DMRT1: variants seen among roughly 807,000 people sequenced by gnomAD.
The protein encoded by DMRT1 is doublesex- and mab-3-related transcription factor 1.
DMRT1 carries 7 observed loss-of-function variants against 32.3 expected under a neutral mutation model. That is an observed-to-expected ratio of 0.22 (90% CI 0.12 to 0.41). The LOEUF is 0.41. Ranked by LOEUF, DMRT1 falls within the 10% of genes least tolerant of loss-of-function variation. The pLI is 1.00. For missense variants in DMRT1, 625 were observed against 500.5 expected (o/e 1.25, Z -2.37); for synonymous variants, 278 against 206.1 (o/e 1.35, Z -2.99).
chr9:857,931 C>T (rs986358454), intron 2 of DMRT1, among the ~76,000 whole-genome samples: 1 of 151,800 alleles, frequency 6.6e-6, no homozygotes, highest in Non-Finnish European at 1.5e-5. Flanking sequence ...CCAGTTTCAT[C>T]CATGTCCCTA....
At chr9:914,959 C>G (rs963941202) in intron 3 of DMRT1, among the ~76,000 whole-genome samples, 7 of 152,190 alleles carry the variant, frequency 4.6e-5, no homozygotes, top group Non-Finnish European at 8.8e-5. Flanking sequence ...CATAGAAAAT[C>G]TTGAGGAAGC....
chr9:894,786 AGTTTGTTTTTTTTTTTGTTTGTTT>A (rs1817288299), intron 3 of DMRT1: 6 of 156,020 alleles, frequency 3.8e-5, no homozygotes, highest in Admixed American at 3.1e-4. Flanking sequence ...TCATTCTCCA[AGTTTGTTTTTTTTTTTGTTTGTTT>A]GTTTGTTTTG....
chr9:858,853 CA>C (rs1205538076), intron 2 of DMRT1, among the ~76,000 whole-genome samples: 479 of 137,578 alleles, frequency 3.5e-3, no homozygotes, highest in African/African-American at 8.8e-3. Context: ...CAGTCTGTCT[CA>C]AAAAAAAAAA....
intron 4 of DMRT1, among the ~76,000 whole-genome samples, chr9:956,219 G>C (rs776355833): frequency 3.9e-5 from 6 of 152,212 alleles, no homozygotes; most frequent in Admixed American, 6.5e-5. Context: ...ACCTACAGTA[G>C]TCAAAATCAT....
intron 4 of DMRT1, among the ~76,000 whole-genome samples, chr9:921,605 C>T (rs1173519451): frequency 1.3e-5 from 2 of 152,100 alleles, no homozygotes; most frequent in African/African-American, 2.4e-5. Flanking sequence ...TATATTCTTA[C>T]CATAGTATAT....
rs144989599 is a variant in DMRT1 at position 847,129 on chromosome 9, C to G, written c.524C>G (p.Thr175Ser). ...TSQPPPASVP[T>S]TAASEGRMVI... ...CAGCCACCGCCGGCCAGTGTCCCCA[C>G]CACTGCAGCTTCAGGTAATCTGGAG... The change falls in exon 2 of 5, where the codon ACC becomes AGC. Residue 175 changes from threonine to serine, a missense_variant. By Grantham distance (58) the Thr-to-Ser change is moderately conservative (BLOSUM62 1). Around this residue, in one of 3 missense-constraint regions of DMRT1, gnomAD observed 416 missense variants for 321.6 expected, o/e 1.29. Transcript: ENST00000382276. 31 of 1,613,020 alleles carry G rather than the reference C, an allele frequency of 1.9e-5. No individual in the cohort carries two copies. The highest frequency in any genetic ancestry group is 2.5e-5 in the Non-Finnish European group (30 of 1,179,942).
chr9:922,191 T>TG (rs1451008231), intron 4 of DMRT1, among the ~76,000 whole-genome samples: 5 of 152,054 alleles, frequency 3.3e-5, no homozygotes, highest in African/African-American at 1.2e-4. Context: ...GAAAAAAGTC[T>TG]GGGGGGCTCT....
At chr9:945,203 G>C (rs904606080) in intron 4 of DMRT1, among the ~76,000 whole-genome samples, 1 of 152,024 alleles carries the variant, frequency 6.6e-6, no homozygotes, top group African/African-American at 2.4e-5. Flanking sequence ...GCCCAGGCTG[G>C]AGTCCAATGG....
chr9:940,834 A>G (rs1482902480), intron 4 of DMRT1, among the ~76,000 whole-genome samples: 2 of 152,224 alleles, frequency 1.3e-5, no homozygotes, highest in African/African-American at 2.4e-5. Flanking sequence ...AGATCTGCTA[A>G]AACTCAGCAA....
At position 968,082 on chromosome 9, in the gene DMRT1, G is replaced by C. The variant is rs777762361; in HGVS notation, c.1065G>C (p.Glu355Asp). 53 of 1,614,046 alleles carry C rather than the reference G, an allele frequency of 3.3e-5. No individual in the cohort carries two copies. Among genetic ancestry groups the C allele is most frequent in the Non-Finnish European group, 4.3e-5 (51 of 1,180,050 alleles). ...NKSTKAVLECEPASEPSSFTV... is the reference protein window; with the variant it reads ...NKSTKAVLECDPASEPSSFTV... ...GCACAAAGGCAGTGCTTGAATGTGAGCCTGCGTCGGAGCCCAGCAGCTTCA... is the reference window on the plus strand; with the variant it reads ...GCACAAAGGCAGTGCTTGAATGTGACCCTGCGTCGGAGCCCAGCAGCTTCA... Residue 355 changes from glutamate (E) to aspartate (D), a missense_variant, in exon 5 of 5, where the codon GAG (glutamate) becomes GAC (aspartate). By Grantham distance (45) the Glu-to-Asp change is conservative. Transcript: ENST00000382276.
rs138736381 is a variant in DMRT1 at position 864,170 on chromosome 9, G to A, written c.538+17027G>A. Among the ~76,000 whole-genome samples the A allele has an allele frequency of 3.3e-5, 5 of 151,264 alleles. No homozygotes were observed. The East Asian group carries it at 9.8e-4, about 30-fold the overall frequency. ...ATGGCCATAGAATGGCTAAACCAAT[G>A]TGTTATTTGTATTCTTTTAACTTCT... is the stretch of plus-strand genomic sequence containing the variant. On this transcript the variant is annotated intron_variant, in intron 2 of 4. Transcript: ENST00000382276.
rs1819895361 is a variant in DMRT1, at chr9:965,201, A to T, written c.968-2784A>T. Among the ~76,000 whole-genome samples the T allele has an allele frequency of 6.6e-6, 1 of 152,162 alleles. No individual in the cohort carries two copies. Among genetic ancestry groups the T allele is most frequent in the Non-Finnish European group, 1.5e-5 (1 of 68,038 alleles). On this transcript the variant is annotated intron_variant, in intron 4 of 4. Coordinates refer to ENST00000382276, the MANE Select transcript of DMRT1 (RefSeq NM_021951.3). The surrounding 1 kb of genome is among the most constrained non-coding windows in gnomAD (Gnocchi z 4.5). ...CACTAAATCTTTTCACGTACCTAGA[A>T]CTCTATGAGGGGCTATACTTAAACA...
chr9:886,394 T>A (rs1317344986), intron 2 of DMRT1, among the ~76,000 whole-genome samples: 10 of 152,218 alleles, frequency 6.6e-5, no homozygotes, highest in African/African-American at 2.4e-4. Flanking sequence ...TAGCTGGGAC[T>A]ACAGGCACGG....
At chr9:892,304 T>G (rs961577657) in intron 2 of DMRT1, among the ~76,000 whole-genome samples, 1 of 152,132 alleles carries the variant, frequency 6.6e-6, no homozygotes, top group Non-Finnish European at 1.5e-5. Context: ...CTCCCTTCCT[T>G]GCCCAGATGG....
Position 910,136 on chromosome 9 carries a change from A to G in DMRT1, c.823-6627A>G, listed in dbSNP as rs113492855. Among the ~76,000 whole-genome samples the G allele has an allele frequency of 3.2e-3, 490 of 152,328 alleles. 2 individuals are homozygous for G. The highest frequency in any genetic ancestry group is 0.011 in the African/African-American group (470 of 41,576). Reference sequence around the variant, plus strand: ...GAGCATTACTTAGAGCCTCCAGTGAAGCTGAATGAAGCTCTAGAGAGATAC... The same window carrying G: ...GAGCATTACTTAGAGCCTCCAGTGAGGCTGAATGAAGCTCTAGAGAGATAC... On this transcript the variant is annotated intron_variant, in intron 3 of 4. Transcript: ENST00000382276.
intron 2 of DMRT1, among the ~76,000 whole-genome samples, chr9:880,776 G>A (rs59408000): frequency 6.6e-6 from 1 of 151,110 alleles, no homozygotes; most frequent in Non-Finnish European, 1.5e-5. Flanking sequence ...TACTTGGGTA[G>A]TTTGCCATGT....
intron 2 of DMRT1, 135 bp downstream of exon 2, chr9:847,278 G>A: frequency 1.1e-6 from 1 of 933,972 alleles, no homozygotes; most frequent in East Asian, 2.7e-5. Context: ...GATTCTCCCT[G>A]TGAAGGGCTG....
In DMRT1 at chr9:894,320, A is replaced by G. The variant is rs551482822; in HGVS notation, c.822+125A>G. 20 of 958,886 alleles carry G rather than the reference A, an allele frequency of 2.1e-5. No homozygotes were observed. The South Asian group carries it at 2.3e-4, about 11-fold the overall frequency. The allele number at this position is 958,886 out of a possible 1,614,324, so 59.4% of individuals were successfully genotyped here. ...GCCCAGAGGCACACACAGGTGACAC[A>G]CACAGGTACACACACATATGTGTGT... On this transcript the variant is annotated intron_variant, in intron 3 of 4. Transcript: ENST00000382276.
At chr9:860,246 G>A (rs572968642) in intron 2 of DMRT1, among the ~76,000 whole-genome samples, 1 of 152,156 alleles carries the variant, frequency 6.6e-6, no homozygotes, top group Non-Finnish European at 1.5e-5. Flanking sequence ...GCAGGGAGCC[G>A]AGATCGTGCC....
Sources: allele counts gnomAD v4.1 joint callset (sites outside exome capture counted in the v4.1 genomes callset), GRCh38; gene constraint gnomAD v4.1.1; regional missense constraint gnomAD v4.1.1; non-coding constraint Gnocchi (gnomAD v3.1); transcripts MANE v1.5; gene names NCBI Gene and HGNC (gene_info 2026-07-23, HGNC 2026-07-21).